EFR3B: variants seen among roughly 807,000 people sequenced by gnomAD.
The protein encoded by EFR3B is EFR3 homolog B.
EFR3B carries 64 observed loss-of-function variants against 104.7 expected under a neutral mutation model. The observed-to-expected ratio is 0.61, with a 90% confidence interval of 0.50 to 0.75. The LOEUF (loss-of-function observed/expected upper bound fraction) is 0.75. Among genes scored for constraint, EFR3B ranks in the 30% least tolerant of loss-of-function variants. The probability of loss-of-function intolerance (pLI) is 0.00; values close to 1 mark genes in which losing one functional copy is unlikely to be tolerated. For missense variants in EFR3B, 750 were observed against 1,078.5 expected, an observed-to-expected ratio of 0.70 and a Z score of 4.27; for synonymous variants, 385 against 417.9, an observed-to-expected ratio of 0.92 and a Z score of 0.96.
intron 19 of EFR3B, among the ~76,000 whole-genome samples, chr2:25,149,341 C>G (rs1310402823): frequency 1.3e-5 from 2 of 152,158 alleles, no homozygotes; most frequent in African/African-American, 2.4e-5. Context: ...GAGTAAGACT[C>G]TGTCTCAAAA....
chr2:25,055,405 A>C lies in EFR3B; in HGVS notation c.7+13086A>C, dbSNP rs560400181. On this transcript the variant is annotated intron_variant, in intron 1 of 22. Coordinates refer to ENST00000403714, the MANE Select transcript of EFR3B (RefSeq NM_014971.2). ...GGGACTTTTAAGCTTGGTACTCTAT[A>C]GTATGTCCTTTATCCTGACCGAGAG... Among the ~76,000 whole-genome samples, 5 of 152,322 alleles carry C rather than the reference A, an allele frequency of 3.3e-5. 1 individual carries two copies. In the South Asian group the frequency reaches 1.0e-3, roughly 32 times the overall value.
intron 3 of EFR3B, among the ~76,000 whole-genome samples, chr2:25,095,451 T>G (rs1047726627): frequency 4.6e-5 from 7 of 152,112 alleles, no homozygotes; most frequent in Non-Finnish European, 1.0e-4. Flanking sequence ...ATCCCAGCAC[T>G]TTGGAAGGCT....
At chr2:25,069,770 C>T (rs759573425) in intron 1 of EFR3B, among the ~76,000 whole-genome samples, 5 of 152,232 alleles carry the variant, frequency 3.3e-5, no homozygotes, top group Non-Finnish European at 4.4e-5. Flanking sequence ...GATCTTGGCT[C>T]ACTGCAACCT....
chr2:25,132,430 G>T (rs970856515), intron 10 of EFR3B, among the ~76,000 whole-genome samples: 1 of 152,156 alleles, frequency 6.6e-6, no homozygotes, highest in Non-Finnish European at 1.5e-5. Flanking sequence ...ATTAGATAAA[G>T]CCTCTTTCAC....
chr2:25,042,542 C>T lies in EFR3B; in HGVS notation c.7+223C>T. 1 of 1,205,744 alleles carries T rather than the reference C, an allele frequency of 8.3e-7. No individual in the cohort carries two copies. Among genetic ancestry groups the T allele is most frequent in the Non-Finnish European group, 1.0e-6 (1 of 971,446 alleles). 74.7% of individuals were successfully genotyped at this position (1,205,744 alleles called of 1,614,324 possible). A position where few individuals can be genotyped will look rare whatever the true frequency, so the allele number is the denominator to read the frequency against. On this transcript the variant is annotated intron_variant, in intron 1 of 22. Coordinates refer to ENST00000403714, the MANE Select transcript of EFR3B (RefSeq NM_014971.2). The surrounding 1 kb of genome is among the most constrained non-coding windows in gnomAD (Gnocchi z 5.4). ...GGTCCTCTCCAGGCCCGGCGCGTGC[C>T]GGTGCTGGGCGGTGGTCCTTCGGGG...
chr2:25,066,486 C>T (rs1668341058), intron 1 of EFR3B, among the ~76,000 whole-genome samples: 1 of 152,138 alleles, frequency 6.6e-6, no homozygotes, highest in South Asian at 2.1e-4. Context: ...GCTTGGCACC[C>T]CCACACTTTT....
chr2:25,158,820 T>C lies in EFR3B; in HGVS notation c.*4480T>C, dbSNP rs1671243264. ...AAATGCTGTAGCCCATATCTCGTAATGTGTCTGTGTCCACTTAGAGCCTCA... is the reference window on the plus strand; with the variant it reads ...AAATGCTGTAGCCCATATCTCGTAACGTGTCTGTGTCCACTTAGAGCCTCA... On this transcript the variant is annotated 3_prime_UTR_variant, in exon 23 of 23. Transcript: ENST00000403714. 1 of 152,240 alleles carries C rather than the reference T, an allele frequency of 6.6e-6. No individual in the cohort carries two copies. Among genetic ancestry groups the C allele is most frequent in the Admixed American group, 6.5e-5 (1 of 15,280 alleles). 9.4% of individuals were successfully genotyped at this position (152,240 alleles called of 1,614,324 possible).
intron 1 of EFR3B, among the ~76,000 whole-genome samples, chr2:25,050,325 A>C (rs1258011071): frequency 2.6e-5 from 4 of 152,026 alleles, no homozygotes; most frequent in Non-Finnish European, 5.9e-5. Context: ...GCAGAGGAGG[A>C]GACAGTTGTT....
Position 25,137,307 on chromosome 2 carries a change from C to G in EFR3B, c.1561-34C>G. ...CCTTGCCCCTCCTGTCCCCATCCCT[C>G]CGACCCTGGCCTTCTGCCCGCTCCT... On this transcript the variant is annotated intron_variant, in intron 14 of 22. Coordinates refer to ENST00000403714, the MANE Select transcript of EFR3B (RefSeq NM_014971.2). The surrounding 1 kb of genome is among the most constrained non-coding windows in gnomAD (Gnocchi z 4.7). The G allele has an allele frequency of 1.3e-6, 2 of 1,550,990 alleles. No individual in the cohort carries two copies. Among genetic ancestry groups the G allele is most frequent in the East Asian group, 4.9e-5 (2 of 40,892 alleles).
At chr2:25,079,952 C>G in intron 1 of EFR3B, 1 of 1,290,658 alleles carries the variant, frequency 7.7e-7, no homozygotes. Flanking sequence ...TGGCTAAGTC[C>G]GCTGTTTCAG....
rs140408565 is a variant in EFR3B, at chr2:25,046,124, G to A, written c.7+3805G>A. The stretch of plus-strand genomic sequence containing the variant: ...GCTTGGGCTGGGCACAGTGGCTCAC[G>A]CCTGTAATCCCAGCACTTTGGGAGG... On this transcript the variant is annotated intron_variant, in intron 1 of 22. Transcript: ENST00000403714. 9.2e-5 allele frequency among the ~76,000 whole-genome samples: 14 copies of A among 152,252 alleles called. No homozygotes were observed. In the East Asian group the frequency reaches 2.3e-3, roughly 25 times the overall value.
At chr2:25,076,030 C>T (rs1176658659) in intron 1 of EFR3B, among the ~76,000 whole-genome samples, 1 of 152,008 alleles carries the variant, frequency 6.6e-6, no homozygotes. Context: ...GTAGCTGGGA[C>T]TACAGGCATG....
rs193014364 is a variant in EFR3B at position 25,097,844 on chromosome 2, C to T, written c.212+4714C>T. ...CAGTGCTGGGTAAGACTCGCTCAGT[C>T]GACAGTGACCCCTGAGCATTGATGG... On this transcript the variant is annotated intron_variant, in intron 3 of 22. Coordinates refer to ENST00000403714, the MANE Select transcript of EFR3B (RefSeq NM_014971.2). Among the ~76,000 whole-genome samples the T allele has an allele frequency of 5.8e-4, 89 of 152,240 alleles. 1 individual carries two copies. In the East Asian group the frequency reaches 0.011, roughly 19 times the overall value.
In EFR3B at chr2:25,062,924, C is replaced by CT. The variant is rs758400349; in HGVS notation, c.7+20610dup. Among the ~76,000 whole-genome samples, 560 of 134,700 alleles carry CT rather than the reference C, an allele frequency of 4.2e-3. 8 individuals are homozygous for CT. Among genetic ancestry groups the CT allele is most frequent in the African/African-American group, 0.014 (521 of 37,222 alleles). The allele number at this position is 134,700 out of a possible 152,430, so 88.4% of individuals were successfully genotyped here. On this transcript the variant is annotated intron_variant, in intron 1 of 22. Coordinates refer to ENST00000403714, the MANE Select transcript of EFR3B (RefSeq NM_014971.2). The stretch of plus-strand genomic sequence containing the variant: ...GGCTGGGTGTGAAGGATTGATTTTT[C>CT]TTTTTCTTTTTTTTTTTTGAGACAA...
Position 25,093,038 on chromosome 2 carries a change from C to T in EFR3B, c.120C>T (p.Thr40=). 1.9e-6 allele frequency: 3 copies of T among 1,549,442 alleles called. No individual in the cohort carries two copies. Among genetic ancestry groups the T allele is most frequent in the Non-Finnish European group, 2.6e-6 (3 of 1,146,992 alleles). The part of the protein sequence containing the change: ...GLVKTNMEKL[T]FYALSAPEKL... ...TGAAGACCAACATGGAGAAGCTGACCTTCTATGCCCTCTCAGCTCCAGAAA... is the reference window on the plus strand; with the variant it reads ...TGAAGACCAACATGGAGAAGCTGACTTTCTATGCCCTCTCAGCTCCAGAAA... Residue 40 remains threonine, a synonymous_variant, in exon 3 of 23, where the codon ACC becomes ACT. Transcript: ENST00000403714.
intron 1 of EFR3B, among the ~76,000 whole-genome samples, chr2:25,051,786 C>G (rs1245116451): frequency 6.6e-6 from 1 of 151,374 alleles, no homozygotes; most frequent in African/African-American, 2.4e-5. Flanking sequence ...CAGGCGTGCA[C>G]CACCACTCCT....
intron 17 of EFR3B, among the ~76,000 whole-genome samples, chr2:25,142,101 C>T (rs1670684438): frequency 1.3e-5 from 2 of 152,090 alleles, no homozygotes; most frequent in African/African-American, 4.8e-5. Context: ...GAGTTCGAGA[C>T]AACCATGGGC....
At chr2:25,115,018 T>C (rs966709843) in intron 4 of EFR3B, among the ~76,000 whole-genome samples, 2 of 151,964 alleles carry the variant, frequency 1.3e-5, no homozygotes, top group African/African-American at 4.8e-5. Context: ...ACCCCATCTG[T>C]ACAAAATAAA....
chr2:25,067,435 T>TG (rs974023743), intron 1 of EFR3B, among the ~76,000 whole-genome samples: 3 of 151,222 alleles, frequency 2.0e-5, no homozygotes, highest in African/African-American at 7.3e-5. Context: ...TGTTTTTTTT[T>TG]TTTTGTTTTT....
Sources: gnomAD v4.1 joint callset for allele counts (sites outside exome capture counted in the v4.1 genomes callset) on GRCh38, gnomAD v4.1.1 for gene constraint, Gnocchi (gnomAD v3.1) non-coding constraint, MANE v1.5 for transcripts, NCBI Gene and HGNC (gene_info 2026-07-23, HGNC 2026-07-21) for gene names.